Variants in MLF2 observed in about 807,000 individuals in gnomAD.
MLF2 encodes the protein myelodysplasia-myeloid leukemia factor 2.
In MLF2, 12 loss-of-function variants were observed where a neutral mutation model predicts 31.4. The observed-to-expected ratio is 0.38, with a 90% CI of 0.24 to 0.62. The LOEUF (loss-of-function observed/expected upper bound fraction) is 0.62. Ranked by LOEUF, MLF2 falls within the 20% of genes least tolerant of loss-of-function variation. MLF2 has a pLI of 0.58. For synonymous variants in MLF2, 109 were observed against 118.8 expected (o/e 0.92, Z 0.54); for missense variants, 272 against 359.7 (o/e 0.76, Z 1.97).
In MLF2 at chr12:6,750,720, C is replaced by G; in HGVS notation, c.263G>C (p.Gly88Ala). 1 of 1,614,072 alleles carries G rather than the reference C, an allele frequency of 6.2e-7. No homozygotes were observed. The highest frequency in any genetic ancestry group is 8.5e-7 in the Non-Finnish European group (1 of 1,179,984). ...GTATGGGGCAAGTCTCACCATGTTT[C>G]CAATCATGTCATTCATCATCCCAAA... ...DMFGMMNDMI[G>A]NMEHMTAGGN... The change falls in exon 5 of 9, where the codon GGA becomes GCA. Residue 88 changes from glycine (G) to alanine (A), a missense_variant. Gly to Ala is a moderately conservative substitution (Grantham distance 60). Transcript: ENST00000203630. The surrounding 1 kb of genome is among the most constrained non-coding windows in gnomAD (Gnocchi z 5.3).
rs1272667749 is a variant in MLF2 at position 6,748,736 on chromosome 12, G to A, written c.*25+34C>T. On this transcript the variant is annotated intron_variant, in intron 8 of 8. Transcript: ENST00000203630. This position sits in a 1 kb window ranked among gnomAD's most constrained non-coding sequence, Gnocchi z 4.6. The stretch of plus-strand genomic sequence containing the variant: ...GCCTTGCAGCCGAGGACCGTCCGCA[G>A]GTGCACCCCACCCTCCTTACTCCTG... The A allele has an allele frequency of 2.1e-6, 3 of 1,444,322 alleles. No individual in the cohort carries two copies. The highest frequency in any genetic ancestry group is 2.8e-5 in the Admixed American group (1 of 35,186). The allele number at this position is 1,444,322 out of a possible 1,614,324, so 89.5% of individuals were successfully genotyped here.
Position 6,752,387 on chromosome 12 carries a change from A to G in MLF2, c.-28-25T>C. The G allele has an allele frequency of 6.5e-7, 1 of 1,543,354 alleles. No individual in the cohort carries two copies. Among genetic ancestry groups the G allele is most frequent in the Non-Finnish European group, 8.8e-7 (1 of 1,139,846 alleles). ...ACTGGAAAGATATGGAAGCTCAGAT[A>G]CTTGGAGGTGGCCAGGGTTTTGCAC... On this transcript the variant is annotated intron_variant, in intron 1 of 8. Transcript: ENST00000203630. This position sits in a 1 kb window ranked among gnomAD's most constrained non-coding sequence, Gnocchi z 4.6.
At position 6,752,362 on chromosome 12, in the gene MLF2, A is replaced by G. The variant is rs368161495; in HGVS notation, c.-28T>C. 66 of 1,553,338 alleles carry G rather than the reference A, an allele frequency of 4.2e-5. No homozygotes were observed. The highest frequency in any genetic ancestry group is 3.3e-4 in the Middle Eastern group (2 of 6,002). ...TGATCTCAGCTCCAGGGGGCTCCACACTGGAAAGATATGGAAGCTCAGATA... is the reference window on the plus strand; with the variant it reads ...TGATCTCAGCTCCAGGGGGCTCCACGCTGGAAAGATATGGAAGCTCAGATA... On this transcript the variant is annotated splice_region_variant and 5_prime_UTR_variant, in exon 2 of 9. Transcript: ENST00000203630. This position sits in a 1 kb window ranked among gnomAD's most constrained non-coding sequence, Gnocchi z 4.6.
chr12:6,749,623 G>A lies in MLF2; in HGVS notation c.559+225C>T, dbSNP rs2137779760. Among the ~76,000 whole-genome samples, 1 of 152,188 alleles carries A rather than the reference G, an allele frequency of 6.6e-6. No homozygotes were observed. Among genetic ancestry groups the A allele is most frequent in the South Asian group, 2.1e-4 (1 of 4,828 alleles). ...CCAGCTACACGGGAGGCTGAGGCAGGAGAATTGCTTAAACCCGGGAGGCGG... is the reference window on the plus strand; with the variant it reads ...CCAGCTACACGGGAGGCTGAGGCAGAAGAATTGCTTAAACCCGGGAGGCGG... On this transcript the variant is annotated intron_variant, in intron 7 of 8. Transcript: ENST00000203630. The surrounding 1 kb of genome is among the most constrained non-coding windows in gnomAD (Gnocchi z 5.3).
At position 6,750,458 on chromosome 12, in the gene MLF2, C is replaced by T; in HGVS notation, c.271-153G>A. ...GGCCTCATCATTACCCTCCCAAATT[C>T]CTCTGAGTCCAACCACGAGCAAGAA... is the stretch of plus-strand genomic sequence containing the variant. On this transcript the variant is annotated intron_variant, in intron 5 of 8. Transcript: ENST00000203630. This position sits in a 1 kb window ranked among gnomAD's most constrained non-coding sequence, Gnocchi z 5.3. 1.8e-6 allele frequency: 2 copies of T among 1,097,970 alleles called. No individual in the cohort carries two copies. The highest frequency in any genetic ancestry group is 1.6e-5 in the South Asian group (1 of 63,376). The allele number at this position is 1,097,970 out of a possible 1,614,324, so 68.0% of individuals were successfully genotyped here. A position where few individuals can be genotyped will look rare whatever the true frequency, so the allele number is the denominator to read the frequency against.
At position 6,750,315 on chromosome 12, in the gene MLF2, G is replaced by C; in HGVS notation, c.271-10C>G. The stretch of plus-strand genomic sequence containing the variant: ...CAGCTGTCATGTGTTCCTGAGGACA[G>C]GGTAGGTAGGGGAGGGCTGAATGGG... On this transcript the variant is annotated splice_polypyrimidine_tract_variant and intron_variant, in intron 5 of 8. Transcript: ENST00000203630. This position sits in a 1 kb window ranked among gnomAD's most constrained non-coding sequence, Gnocchi z 5.3. 1 of 1,613,230 alleles carries C rather than the reference G, an allele frequency of 6.2e-7. No homozygotes were observed. The highest frequency in any genetic ancestry group is 8.5e-7 in the Non-Finnish European group (1 of 1,179,496).
In MLF2 at chr12:6,750,578, G is replaced by T; in HGVS notation, c.270+135C>A. ...ATGACAGCAGGTACAGGGTCCCAAG[G>T]CTCTCTGGTTCAATTACTTTATCCA... On this transcript the variant is annotated intron_variant, in intron 5 of 8. Coordinates refer to ENST00000203630, the MANE Select transcript of MLF2 (RefSeq NM_001382226.1). The surrounding 1 kb of genome is among the most constrained non-coding windows in gnomAD (Gnocchi z 5.3). The T allele has an allele frequency of 5.4e-6, 6 of 1,111,200 alleles. No individual in the cohort carries two copies. Among genetic ancestry groups the T allele is most frequent in the Non-Finnish European group, 7.9e-6 (6 of 757,342 alleles). The allele number at this position is 1,111,200 out of a possible 1,614,324, so 68.8% of individuals were successfully genotyped here.
Position 6,748,934 on chromosome 12 carries a change from A to T in MLF2, c.608T>A (p.Phe203Tyr). 1 of 1,602,036 alleles carries T rather than the reference A, an allele frequency of 6.2e-7. No homozygotes were observed. The highest frequency in any genetic ancestry group is 8.5e-7 in the Non-Finnish European group (1 of 1,174,940). Residue 203 changes from phenylalanine (F) to tyrosine (Y), a missense_variant, in exon 8 of 9, where the codon TTC (phenylalanine) becomes TAC (tyrosine). Transcript: ENST00000203630. The surrounding 1 kb of genome is among the most constrained non-coding windows in gnomAD (Gnocchi z 4.6). ...DDEWRRETSRFRQQRPLEFRR... is the reference protein window; with the variant it reads ...DDEWRRETSRYRQQRPLEFRR... ...AAACTCCAGGGGACGCTGCTGCCGGAATCGGGAGGTCTCCCGCCGCCACTC... is the reference window on the plus strand; with the variant it reads ...AAACTCCAGGGGACGCTGCTGCCGGTATCGGGAGGTCTCCCGCCGCCACTC...
Position 6,749,738 on chromosome 12 carries a change from A to AAAAT in MLF2, c.559+109_559+110insATTT. 2.3e-6 allele frequency: 3 copies of AAAAT among 1,327,082 alleles called. No individual in the cohort carries two copies. The highest frequency in any genetic ancestry group is 3.1e-6 in the Non-Finnish European group (3 of 968,174). 82.2% of individuals were successfully genotyped at this position (1,327,082 alleles called of 1,614,324 possible). A position where few individuals can be genotyped will look rare whatever the true frequency, so the allele number is the denominator to read the frequency against. On this transcript the variant is annotated intron_variant, in intron 7 of 8. Coordinates refer to ENST00000203630, the MANE Select transcript of MLF2 (RefSeq NM_001382226.1). The surrounding 1 kb of genome is among the most constrained non-coding windows in gnomAD (Gnocchi z 5.3). ...GACTCCATCTCAAAAAAAAAAAAAA[A>AAAAT]GGAATATGGGGCTGACCCAGAGCTT...
In MLF2 at chr12:6,748,048, A is replaced by G. The variant is rs1178247241; in HGVS notation, c.*525T>C. 6.6e-6 allele frequency: 1 copy of G among 152,270 alleles called. No individual in the cohort carries two copies. The highest frequency in any genetic ancestry group is 1.5e-5 in the Non-Finnish European group (1 of 68,066). 9.4% of individuals were successfully genotyped at this position (152,270 alleles called of 1,614,324 possible). A position where few individuals can be genotyped will look rare whatever the true frequency, so the allele number is the denominator to read the frequency against. On this transcript the variant is annotated 3_prime_UTR_variant, in exon 9 of 9. Coordinates refer to ENST00000203630, the MANE Select transcript of MLF2 (RefSeq NM_001382226.1). The surrounding 1 kb of genome is among the most constrained non-coding windows in gnomAD (Gnocchi z 4.6). ...AAACACCTAGTTACAAGTTGCACAA[A>G]TCAAAAAATAAAGGCAGAGAAGGGT...
chr12:6,750,569 G>T lies in MLF2; in HGVS notation c.270+144C>A. On this transcript the variant is annotated intron_variant, in intron 5 of 8. Coordinates refer to ENST00000203630, the MANE Select transcript of MLF2 (RefSeq NM_001382226.1). This position sits in a 1 kb window ranked among gnomAD's most constrained non-coding sequence, Gnocchi z 5.3. The stretch of plus-strand genomic sequence containing the variant: ...CAGGCAGGCATGACAGCAGGTACAG[G>T]GTCCCAAGGCTCTCTGGTTCAATTA... 1 of 1,034,912 alleles carries T rather than the reference G, an allele frequency of 9.7e-7. No homozygotes were observed. The highest frequency in any genetic ancestry group is 1.4e-6 in the Non-Finnish European group (1 of 695,498). 64.1% of individuals were successfully genotyped at this position (1,034,912 alleles called of 1,614,324 possible).
chr12:6,749,826 G>A lies in MLF2; in HGVS notation c.559+22C>T. The A allele has an allele frequency of 6.2e-7, 1 of 1,612,864 alleles. No homozygotes were observed. The highest frequency in any genetic ancestry group is 1.1e-5 in the South Asian group (1 of 91,038). ...GAACCGGGTTAGGGGCTGCCAGCCA[G>A]GAAGCGGGAGGGAAGGCTCACTCTC... On this transcript the variant is annotated intron_variant, in intron 7 of 8. Coordinates refer to ENST00000203630, the MANE Select transcript of MLF2 (RefSeq NM_001382226.1). The surrounding 1 kb of genome is among the most constrained non-coding windows in gnomAD (Gnocchi z 5.3).
At position 6,748,928 on chromosome 12, in the gene MLF2, T is replaced by A. The variant is rs1197041099; in HGVS notation, c.614A>T (p.Gln205Leu). 1.5e-5 allele frequency: 24 copies of A among 1,602,476 alleles called. No individual in the cohort carries two copies. Among genetic ancestry groups the A allele is most frequent in the Non-Finnish European group, 2.0e-5 (23 of 1,175,114 alleles). Residue 205 changes from glutamine (Q) to leucine (L), a missense_variant, in exon 8 of 9, where the codon CAG becomes CTG. Transcript: ENST00000203630. The surrounding 1 kb of genome is among the most constrained non-coding windows in gnomAD (Gnocchi z 4.6). ...EWRRETSRFRQQRPLEFRRLE... is the reference protein window; with the variant it reads ...EWRRETSRFRLQRPLEFRRLE... ...CCGCCGAAACTCCAGGGGACGCTGC[T>A]GCCGGAATCGGGAGGTCTCCCGCCG...
chr12:6,751,274 G>A, intron 4 of MLF2: 1 of 266,714 alleles, frequency 3.7e-6, no homozygotes, highest in East Asian at 9.4e-5. Context: ...CTGGAGGGCA[G>A]TGGCGCAGTC....
At position 6,749,235 on chromosome 12, in the gene MLF2, G is replaced by A. The variant is rs1941572969; in HGVS notation, c.560-253C>T. On this transcript the variant is annotated intron_variant, in intron 7 of 8. Coordinates refer to ENST00000203630, the MANE Select transcript of MLF2 (RefSeq NM_001382226.1). This position sits in a 1 kb window ranked among gnomAD's most constrained non-coding sequence, Gnocchi z 5.3. ...TCAGTTCAGGTTCACAGTCCTATGT[G>A]CACACTAGGTACTTAATAATTGCGG... is the stretch of plus-strand genomic sequence containing the variant. 6.6e-6 allele frequency among the ~76,000 whole-genome samples: 1 copy of A among 152,234 alleles called. No individual in the cohort carries two copies. Among genetic ancestry groups the A allele is most frequent in the African/African-American group, 2.4e-5 (1 of 41,462 alleles).
In MLF2 at chr12:6,749,949, A is replaced by G. The variant is rs753830205; in HGVS notation, c.458T>C (p.Ile153Thr). 2 of 1,614,160 alleles carry G rather than the reference A, an allele frequency of 1.2e-6. No homozygotes were observed. Among genetic ancestry groups the G allele is most frequent in the Non-Finnish European group, 1.7e-6 (2 of 1,180,022 alleles). Reference protein sequence around the residue: ...DSDSGLEQMSIGHHIRDRAHI... With the variant: ...DSDSGLEQMSTGHHIRDRAHI... ...AGCCCTGTCCCGGATGTGATGCCCAATGGACATCTGCTCCAGTCCACTGTC... is the reference window on the plus strand; with the variant it reads ...AGCCCTGTCCCGGATGTGATGCCCAGTGGACATCTGCTCCAGTCCACTGTC... Residue 153 changes from isoleucine (I) to threonine (T), a missense_variant, in exon 7 of 9, where the codon ATT (isoleucine) becomes ACT (threonine). Transcript: ENST00000203630. The surrounding 1 kb of genome is among the most constrained non-coding windows in gnomAD (Gnocchi z 5.3).
In MLF2 at chr12:6,749,858, G is replaced by A. The variant is rs1014047588; in HGVS notation, c.549C>T (p.Asn183=). 11 of 1,614,078 alleles carry A rather than the reference G, an allele frequency of 6.8e-6. No homozygotes were observed. The highest frequency in any genetic ancestry group is 1.7e-5 in the Admixed American group (1 of 60,004). The change falls in exon 7 of 9, where the codon AAC becomes AAT. Residue 183 remains asparagine (N), a synonymous_variant. Coordinates refer to ENST00000203630, the MANE Select transcript of MLF2 (RefSeq NM_001382226.1). This position sits in a 1 kb window ranked among gnomAD's most constrained non-coding sequence, Gnocchi z 5.3. ...GDQEERQDYI[N]LDESEAAAFD... is the part of the protein sequence containing the mutation. ...GGAGGGAAGGCTCACTCTCATCCAG[G>A]TTGATATAGTCCTGCCGCTCCTCCT...
rs532703919 is a variant in MLF2 at position 6,749,037 on chromosome 12, G to A, written c.560-55C>T. The A allele has an allele frequency of 3.7e-5, 54 of 1,474,192 alleles. No individual in the cohort carries two copies. In the South Asian group the frequency reaches 4.0e-4, roughly 11 times the overall value. The allele number at this position is 1,474,192 out of a possible 1,614,324, so 91.3% of individuals were successfully genotyped here. ...GTGTGCGGCCTGGCTCCTGGAGGCC[G>A]ATGTGCGAGCGAGCCACAGCTTTTC... On this transcript the variant is annotated intron_variant, in intron 7 of 8. Transcript: ENST00000203630. This position sits in a 1 kb window ranked among gnomAD's most constrained non-coding sequence, Gnocchi z 5.3.
In MLF2 at chr12:6,750,739, T is replaced by C; in HGVS notation, c.244A>G (p.Met82Val). The change falls in exon 5 of 9, where the codon ATG (methionine) becomes GTG (valine). Residue 82 changes from methionine (M) to valine (V), a missense_variant. Physicochemically the swap from Met to Val is conservative, Grantham distance 21. Transcript: ENST00000203630. The surrounding 1 kb of genome is among the most constrained non-coding windows in gnomAD (Gnocchi z 5.3). ...MSGGFMDMFG[M>V]MNDMIGNMEH... ...ATGTTTCCAATCATGTCATTCATCA[T>C]CCCAAACATGTCCATGAAACCACCC... 1 of 1,614,026 alleles carries C rather than the reference T, an allele frequency of 6.2e-7. No homozygotes were observed. Among genetic ancestry groups the C allele is most frequent in the Non-Finnish European group, 8.5e-7 (1 of 1,179,990 alleles).
Sources: allele counts gnomAD v4.1 joint callset (sites outside exome capture counted in the v4.1 genomes callset), GRCh38; gene constraint gnomAD v4.1.1; non-coding constraint Gnocchi (gnomAD v3.1); transcripts MANE v1.5; gene names NCBI Gene and HGNC (gene_info 2026-07-23, HGNC 2026-07-21).